The following RBM41 variants were observed in gnomAD, a reference collection of about 807,000 sequenced individuals.
The protein encoded by RBM41 is RNA-binding protein 41.
RBM41 carries 14 observed loss-of-function variants against 30.8 expected under a neutral mutation model. The observed-to-expected ratio is 0.45, with a 90% confidence interval of 0.30 to 0.71. RBM41 has a LOEUF of 0.71. Among genes scored for constraint, RBM41 ranks in the 30% least tolerant of loss-of-function variants. The probability of loss-of-function intolerance (pLI) is 0.08; values close to 1 mark genes in which losing one functional copy is unlikely to be tolerated. For synonymous variants in RBM41, 120 were observed against 110.1 expected, an observed-to-expected ratio of 1.09 and a Z score of -0.56; for missense variants, 276 against 326.3, an observed-to-expected ratio of 0.85 and a Z score of 1.19.
At chrX:107,068,406 C>T (rs948353384) in intron 7 of RBM41, among the ~76,000 whole-genome samples, 16 of 111,576 alleles carry the variant, frequency 1.4e-4, no homozygotes, top group African/African-American at 5.2e-4. Context: ...TTTTAAAGTA[C>T]TTGCTTTAAA....
At chrX:107,078,012 T>A (rs1390826218) in intron 6 of RBM41, among the ~76,000 whole-genome samples, 1 of 111,664 alleles carries the variant, frequency 9.0e-6, no homozygotes. Context: ...AGTTTAGATT[T>A]CCTTAGTTTT....
In RBM41 at chrX:107,116,739, C is replaced by G. The variant is rs1924906103; in HGVS notation, c.36G>C (p.Glu12Asp). ...KRVNSCVKSDEHVLEELETEG... is the reference protein window; with the variant it reads ...KRVNSCVKSDDHVLEELETEG... ...CTGTTTCCAGCTCCTCCAGGACATG[C>G]TCATCACTCTTCACACAGCTGTTTA... The change falls in exon 2 of 8, where the codon GAG (glutamate) becomes GAC (aspartate). Residue 12 changes from glutamate to aspartate, a missense_variant. By Grantham distance (45) the Glu-to-Asp change is conservative (BLOSUM62 2). Transcript: ENST00000685964. The G allele has an allele frequency of 1.2e-5, 15 of 1,210,790 alleles. No individual in the cohort carries two copies. Among genetic ancestry groups the G allele is most frequent in the Non-Finnish European group, 1.7e-5 (15 of 895,287 alleles).
intron 5 of RBM41, among the ~76,000 whole-genome samples, chrX:107,089,443 A>C (rs1375735127): frequency 2.7e-5 from 3 of 111,896 alleles, no homozygotes; most frequent in Non-Finnish European, 5.6e-5. Context: ...CAGATAATCC[A>C]TAACTATGCT....
intron 5 of RBM41, among the ~76,000 whole-genome samples, chrX:107,090,912 T>C (rs924910960): frequency 1.8e-5 from 2 of 110,320 alleles, no homozygotes; most frequent in African/African-American, 6.6e-5. Context: ...ATCTAAGTTT[T>C]AAGCCCCGCG....
At chrX:107,110,097 G>C (rs758966816) in intron 5 of RBM41, among the ~76,000 whole-genome samples, 70 of 109,211 alleles carry the variant, frequency 6.4e-4, no homozygotes, top group Non-Finnish European at 1.2e-3. Context: ...ATGGAGAAAG[G>C]ATACTCTTTT....
chrX:107,081,808 T>C (rs1415744214), intron 6 of RBM41, among the ~76,000 whole-genome samples: 1 of 111,988 alleles, frequency 8.9e-6, no homozygotes, highest in Non-Finnish European at 1.9e-5. Context: ...ATTCCAATTG[T>C]TCATTTCTGG....
chrX:107,090,342 G>C (rs1285559), intron 5 of RBM41, among the ~76,000 whole-genome samples: 40,761 of 110,712 alleles, frequency 0.37, 8,101 homozygotes, highest in African/African-American at 0.77. Context: ...CCACTGCACT[G>C]CAGCCTGGGC....
chrX:107,085,732 G>T (rs1468566461), intron 6 of RBM41, among the ~76,000 whole-genome samples: 1 of 111,737 alleles, frequency 8.9e-6, no homozygotes, highest in Non-Finnish European at 1.9e-5. Flanking sequence ...TGCCTGTTAT[G>T]TCTGTTTTTA....
chrX:107,085,095 G>A (rs191985750), intron 6 of RBM41, among the ~76,000 whole-genome samples: 129 of 110,782 alleles, frequency 1.2e-3, no homozygotes, highest in African/African-American at 4.1e-3. Context: ...GATGTCTAAG[G>A]GTTTCTCTAG....
chrX:107,092,377 A>G (rs1374907438), intron 5 of RBM41, among the ~76,000 whole-genome samples: 1 of 111,373 alleles, frequency 9.0e-6, no homozygotes, highest in African/African-American at 3.3e-5. Flanking sequence ...TAAGAAAAAG[A>G]TGAACAACCA....
downstream of RBM41, among the ~76,000 whole-genome samples, chrX:107,061,510 C>CACTAAGAAATTAGCTCCTTGTAT (rs1935639566): frequency 8.9e-6 from 1 of 111,837 alleles, no homozygotes; most frequent in Non-Finnish European, 1.9e-5. Flanking sequence ...ATACATTGTA[C>CACTAAGAAATTAGCTCCTTGTAT]ACTAAGAAAT....
At chrX:107,078,589 A>G (rs1344831325) in intron 6 of RBM41, among the ~76,000 whole-genome samples, 1 of 111,011 alleles carries the variant, frequency 9.0e-6, no homozygotes, top group Non-Finnish European at 1.9e-5. Context: ...ACAACATAAA[A>G]TCATGTCAAA....
intron 6 of RBM41, among the ~76,000 whole-genome samples, chrX:107,076,619 G>C (rs989623599): frequency 9.0e-6 from 1 of 111,008 alleles, no homozygotes; most frequent in African/African-American, 3.3e-5. Flanking sequence ...ATGCAAGATA[G>C]AAAAGTTCTA....
chrX:107,085,794 G>A (rs1048750629), intron 6 of RBM41, among the ~76,000 whole-genome samples: 2 of 110,700 alleles, frequency 1.8e-5, no homozygotes, highest in African/African-American at 3.3e-5. Flanking sequence ...TTGATTTGTA[G>A]GGAAGGATCT....
intron 5 of RBM41, among the ~76,000 whole-genome samples, chrX:107,104,473 GAAA>G (rs1602603464): frequency 9.0e-6 from 1 of 110,841 alleles, no homozygotes; most frequent in African/African-American, 3.3e-5. Flanking sequence ...ACAAAGAATA[GAAA>G]AAATCTTTTC....
chrX:107,080,934 G>A (rs1039406302), intron 6 of RBM41, among the ~76,000 whole-genome samples: 2 of 111,586 alleles, frequency 1.8e-5, no homozygotes, highest in Admixed American at 9.5e-5. Context: ...TTTATTAGAC[G>A]TGAGTTTTGC....
intron 5 of RBM41, among the ~76,000 whole-genome samples, chrX:107,109,829 A>G (rs1924313465): frequency 9.0e-6 from 1 of 111,378 alleles, no homozygotes; most frequent in South Asian, 3.7e-4. Flanking sequence ...ATGTTCTAAT[A>G]TTCCTTTTGA....
intron 6 of RBM41, among the ~76,000 whole-genome samples, chrX:107,087,589 C>T (rs1270038835): frequency 1.8e-5 from 2 of 110,578 alleles, no homozygotes; most frequent in Non-Finnish European, 1.9e-5. Context: ...TTATCTACAA[C>T]GTTATTTAGT....
At chrX:107,114,386 G>A (rs1050137195) in intron 4 of RBM41, 2 of 111,284 alleles carry the variant, frequency 1.8e-5, no homozygotes, top group Non-Finnish European at 3.8e-5. Flanking sequence ...CAACCATATT[G>A]AAACTAACTG....
Sources: gnomAD v4.1 joint callset for allele counts (sites outside exome capture counted in the v4.1 genomes callset) on GRCh38, gnomAD v4.1.1 for gene constraint, MANE v1.5 for transcripts, NCBI Gene and HGNC (gene_info 2026-07-23, HGNC 2026-07-21) for gene names.